The following KIAA1217 variants were observed in gnomAD, a reference collection of about 807,000 sequenced individuals.
The protein encoded by KIAA1217 is sickle tail protein homolog.
Under a neutral mutation model 163.9 loss-of-function variants are expected in KIAA1217, and 88 were observed. The ratio of observed to expected loss-of-function variants is 0.54; its 90% CI spans 0.45 to 0.64. The LOEUF is 0.64. KIAA1217 is among the 30% of genes least tolerant of loss of function. The pLI, the probability that KIAA1217 is intolerant of heterozygous loss-of-function variation, is 0.00. For missense variants in KIAA1217, 2,372 were observed against 2,475.0 expected (o/e 0.96, Z 0.88); for synonymous variants, 903 against 923.1 (o/e 0.98, Z 0.39).
At chr10:24,394,042 T>G (rs2055370471) in intron 3 of KIAA1217, among the ~76,000 whole-genome samples, 1 of 152,354 alleles carries the variant, frequency 6.6e-6, no homozygotes, top group Admixed American at 6.5e-5. Flanking sequence ...TTAATTTGTT[T>G]TCATTTCAGC....
chr10:23,757,201 C>G (rs750685303), intron 1 of KIAA1217, among the ~76,000 whole-genome samples: 1 of 152,018 alleles, frequency 6.6e-6, no homozygotes, highest in Admixed American at 6.6e-5. Flanking sequence ...AATATATCTT[C>G]GAGATCCCAC....
At position 24,209,172 on chromosome 10, in the gene KIAA1217, G is replaced by A; in HGVS notation, c.-22G>A. The A allele has an allele frequency of 6.2e-7, 1 of 1,612,706 alleles. No individual in the cohort carries two copies. The highest frequency in any genetic ancestry group is 8.5e-7 in the Non-Finnish European group (1 of 1,178,890). The stretch of plus-strand genomic sequence containing the variant: ...CTCTGAAGTTTCCAGAGAGCGAGGA[G>A]CTTTTGCGGCAGGCAGAGACAATGG... On this transcript the variant is annotated 5_prime_UTR_variant, in exon 1 of 21. Coordinates refer to ENST00000376454, the MANE Select transcript of KIAA1217 (RefSeq NM_019590.5).
intron 2 of KIAA1217, among the ~76,000 whole-genome samples, chr10:24,095,895 C>T (rs1490377462): frequency 6.6e-6 from 1 of 152,134 alleles, no homozygotes. Context: ...CGCTTGAGGT[C>T]AGGAATTTGA....
rs775038452 is a variant in KIAA1217 at position 24,473,829 on chromosome 10, T to C, written c.1448T>C (p.Met483Thr). 1.2e-6 allele frequency: 2 copies of C among 1,613,972 alleles called. No individual in the cohort carries two copies. The highest frequency in any genetic ancestry group is 1.7e-6 in the Non-Finnish European group (2 of 1,180,026). The change falls in exon 6 of 21, where the codon ATG becomes ACG. Residue 483 changes from methionine to threonine, a missense_variant. Met to Thr is a moderately conservative substitution (Grantham distance 81). This residue lies in a region of KIAA1217 where 1,431 missense variants were observed against 1,470.3 expected (regional missense o/e 0.97). Transcript: ENST00000376454. Reference protein sequence around the residue: ...ASPHRVSDLRMIDMHAHYNAH... With the variant: ...ASPHRVSDLRTIDMHAHYNAH... The stretch of plus-strand genomic sequence containing the variant: ...CCTCACAGAGTCAGTGACCTGAGGA[T>C]GATAGACATGCACGCTCACTATAAT...
At chr10:23,782,564 C>G (rs1835306143) in intron 1 of KIAA1217, among the ~76,000 whole-genome samples, 1 of 152,152 alleles carries the variant, frequency 6.6e-6, no homozygotes, top group Admixed American at 6.6e-5. Context: ...TCCCAAGTAG[C>G]TGGGACTACA....
chr10:23,955,661 A>G (rs1037943508), intron 1 of KIAA1217, among the ~76,000 whole-genome samples: 2 of 152,202 alleles, frequency 1.3e-5, no homozygotes, highest in Non-Finnish European at 2.9e-5. Context: ...AAGGCATTTG[A>G]GAGACCATCC....
chr10:24,544,184 G>T lies in KIAA1217; in HGVS notation c.4914G>T (p.Val1638=). The change falls in exon 19 of 21, where the codon GTG becomes GTT. Residue 1638 remains valine, a synonymous_variant. Coordinates refer to ENST00000376454, the MANE Select transcript of KIAA1217 (RefSeq NM_019590.5). The part of the protein sequence containing the change: ...SQPEDTPENT[V]RRQEQPSIES... The stretch of plus-strand genomic sequence containing the variant: ...CTGAAGACACCCCTGAAAACACAGT[G>T]AGGAGGCAAGAGCAGCCCAGCATCG... 1 of 1,614,100 alleles carries T rather than the reference G, an allele frequency of 6.2e-7. No homozygotes were observed. Among genetic ancestry groups the T allele is most frequent in the African/African-American group, 1.3e-5 (1 of 75,036 alleles).
intron 2 of KIAA1217, among the ~76,000 whole-genome samples, chr10:24,222,475 G>A (rs755091918): frequency 6.6e-6 from 1 of 152,148 alleles, no homozygotes; most frequent in Non-Finnish European, 1.5e-5. Flanking sequence ...TAAAGTGAAA[G>A]CAAGAATTTT....
intron 2 of KIAA1217, among the ~76,000 whole-genome samples, chr10:24,032,137 A>G (rs952501627): frequency 2.0e-5 from 3 of 152,362 alleles, no homozygotes; most frequent in Middle Eastern, 3.4e-3. Flanking sequence ...ATGCTTTATA[A>G]TAACTAAGAA....
At chr10:23,954,934 C>G (rs1440113493) in intron 1 of KIAA1217, among the ~76,000 whole-genome samples, 4 of 152,240 alleles carry the variant, frequency 2.6e-5, no homozygotes, top group Non-Finnish European at 2.9e-5. Flanking sequence ...GAGTTTGAAT[C>G]TTGGCTTTGC....
chr10:24,317,543 A>C (rs939168609), intron 2 of KIAA1217, among the ~76,000 whole-genome samples: 5 of 152,222 alleles, frequency 3.3e-5, no homozygotes, highest in Non-Finnish European at 2.9e-5. Context: ...GCTGGAAATC[A>C]AGTTGATAAT....
chr10:23,905,063 C>CTTTTTTTTTT (rs562938938), intron 1 of KIAA1217, among the ~76,000 whole-genome samples: 1 of 99,942 alleles, frequency 1.0e-5, no homozygotes, highest in African/African-American at 3.9e-5. Context: ...TTCTCTTTTC[C>CTTTTTTTTTT]TTTTTTTTTT....
intron 1 of KIAA1217, among the ~76,000 whole-genome samples, chr10:23,770,771 C>T (rs1834762199): frequency 6.6e-6 from 1 of 152,188 alleles, no homozygotes; most frequent in Non-Finnish European, 1.5e-5. Flanking sequence ...CATGGATTGA[C>T]CTTTGATCTC....
intron 1 of KIAA1217, among the ~76,000 whole-genome samples, chr10:23,843,118 A>G (rs893105948): frequency 3.9e-5 from 6 of 152,176 alleles, no homozygotes; most frequent in Non-Finnish European, 8.8e-5. Flanking sequence ...TACTGGTCAA[A>G]GAGACAAAGT....
At chr10:23,731,575 A>G (rs1838479147) in intron 1 of KIAA1217, among the ~76,000 whole-genome samples, 1 of 152,138 alleles carries the variant, frequency 6.6e-6, no homozygotes, top group South Asian at 2.1e-4. Context: ...CCCTTAGGGA[A>G]GAAAGCCTAA....
rs972877660 is a variant in KIAA1217, at chr10:24,098,359, G to A, written c.-171+90985G>A. ...GAGTGGCTTTAGACTACAAAGTATA[G>A]AGAAAGCAGAGTGTCTGAAATATGG... is the stretch of plus-strand genomic sequence containing the variant. On this transcript the variant is annotated intron_variant, in intron 2 of 18. Coordinates refer to the KIAA1217 transcript ENST00000376462. Among the ~76,000 whole-genome samples the A allele has an allele frequency of 5.9e-5, 9 of 152,194 alleles. No homozygotes were observed. The East Asian group carries it at 1.4e-3, about 23-fold the overall frequency.
intron 6 of KIAA1217, among the ~76,000 whole-genome samples, chr10:24,476,428 C>G (rs536397034): frequency 1.1e-4 from 17 of 152,248 alleles, no homozygotes; most frequent in African/African-American, 3.9e-4. Context: ...ATCTGCCAAC[C>G]CTAGAGACTT....
chr10:23,896,689 C>CT (rs1416642206), intron 1 of KIAA1217, among the ~76,000 whole-genome samples: 1 of 152,072 alleles, frequency 6.6e-6, no homozygotes, highest in Non-Finnish European at 1.5e-5. Flanking sequence ...GGGTTAATCT[C>CT]TTAAGAAGTC....
At chr10:24,178,049 G>A (rs1237870192) in intron 2 of KIAA1217, among the ~76,000 whole-genome samples, 1 of 152,142 alleles carries the variant, frequency 6.6e-6, no homozygotes, top group East Asian at 1.9e-4. Context: ...TGTACAGCTA[G>A]AGTTGAAGAT....
Sources: gnomAD v4.1 joint callset for allele counts (sites outside exome capture counted in the v4.1 genomes callset) on GRCh38, gnomAD v4.1.1 for gene constraint, gnomAD v4.1.1 regional missense constraint, MANE v1.5 for transcripts, NCBI Gene and HGNC (gene_info 2026-07-23, HGNC 2026-07-21) for gene names.